PALM2AKAP2: variants seen among roughly 807,000 people sequenced by gnomAD.
PALM2AKAP2 encodes PALM2 and AKAP2 fusion, also known as PALM2-AKAP2 fusion protein.
In PALM2AKAP2, 37 loss-of-function variants were observed where a neutral mutation model predicts 71.5. That is an observed-to-expected ratio of 0.52 (90% CI 0.40 to 0.68). The LOEUF (loss-of-function observed/expected upper bound fraction) is 0.68. PALM2AKAP2 is among the 30% of genes least tolerant of loss of function. PALM2AKAP2 has a pLI of 0.00. For missense variants in PALM2AKAP2, 1,224 were observed against 1,191.8 expected (o/e 1.03, Z -0.40); for synonymous variants, 468 against 478.8 (o/e 0.98, Z 0.29).
rs528557472 is a variant in PALM2AKAP2 at position 110,142,331 on chromosome 9, G to A, written c.2569+3792G>A. Reference sequence around the variant, plus strand: ...CTCCAACTCCTGATCCGCCTCAGGTGATCCGCCCGCCTTGGCCTCCCAAAG... The same window carrying A: ...CTCCAACTCCTGATCCGCCTCAGGTAATCCGCCCGCCTTGGCCTCCCAAAG... On this transcript the variant is annotated intron_variant, in intron 2 of 3. Coordinates refer to ENST00000374525, the Ensembl canonical transcript of PALM2AKAP2. 1.4e-3 allele frequency among the ~76,000 whole-genome samples: 211 copies of A among 152,190 alleles called. 1 individual carries two copies. The highest frequency in any genetic ancestry group is 5.1e-3 in the African/African-American group (210 of 41,536).
At chr9:109,948,166 G>C (rs985460762) in intron 6 of PALM2AKAP2, among the ~76,000 whole-genome samples, 1 of 152,174 alleles carries the variant, frequency 6.6e-6, no homozygotes, top group African/African-American at 2.4e-5. Context: ...GCACAATGCA[G>C]ATATGTATCT....
At chr9:110,051,541 C>G (rs260219) in intron 1 of PALM2AKAP2, among the ~76,000 whole-genome samples, 4 of 152,132 alleles carry the variant, frequency 2.6e-5, no homozygotes, top group Non-Finnish European at 5.9e-5. Flanking sequence ...ACGGTTATTA[C>G]CAGTCTCTGC....
intron 3 of PALM2AKAP2, among the ~76,000 whole-genome samples, chr9:110,166,128 T>A (rs1836728374): frequency 6.6e-6 from 1 of 152,234 alleles, no homozygotes; most frequent in Non-Finnish European, 1.5e-5. Flanking sequence ...CACATGATGA[T>A]AGAAATAATT....
At chr9:110,033,223 C>T (rs1833318817) in intron 7 of PALM2AKAP2, among the ~76,000 whole-genome samples, 1 of 152,192 alleles carries the variant, frequency 6.6e-6, no homozygotes, top group Non-Finnish European at 1.5e-5. Flanking sequence ...ATGAGTGACA[C>T]AGGAAAATCC....
intron 1 of PALM2AKAP2, among the ~76,000 whole-genome samples, chr9:109,854,751 A>G (rs1829109469): frequency 6.7e-6 from 1 of 149,910 alleles, no homozygotes; most frequent in African/African-American, 2.5e-5. Flanking sequence ...GTCAGTTTTT[A>G]AAAGAATGTA....
chr9:109,819,314 C>T (rs1271796440), intron 1 of PALM2AKAP2, among the ~76,000 whole-genome samples: 1 of 152,154 alleles, frequency 6.6e-6, no homozygotes, highest in Non-Finnish European at 1.5e-5. Flanking sequence ...AAGGCTTTTA[C>T]ATTCGTGTAA....
At chr9:110,081,818 A>T (rs1427790683) in intron 1 of PALM2AKAP2, among the ~76,000 whole-genome samples, 1 of 151,896 alleles carries the variant, frequency 6.6e-6, no homozygotes, top group Admixed American at 6.6e-5. Context: ...TTCCTGTGAG[A>T]GCCCTCACGA....
rs374011072 is a variant in PALM2AKAP2 at position 109,700,863 on chromosome 9, A to G, written c.5+59997A>G. Among the ~76,000 whole-genome samples, 16 of 152,340 alleles carry G rather than the reference A, an allele frequency of 1.1e-4. No individual in the cohort carries two copies. The East Asian group carries it at 2.1e-3, about 20-fold the overall frequency. ...TTATGTTTTCAAAGTGTTCATTTTA[A>G]CACCAAATAAAATTAGCCTTTCACT... On this transcript the variant is annotated intron_variant, in intron 1 of 6. Transcript: ENST00000374531.
At chr9:109,673,429 G>GT (rs147461012) in intron 1 of PALM2AKAP2, among the ~76,000 whole-genome samples, 2,229 of 152,042 alleles carry the variant, frequency 0.015, 22 homozygotes, top group Middle Eastern at 0.068. Flanking sequence ...AAATTTCTTG[G>GT]TTTTGATTTC....
intron 6 of PALM2AKAP2, among the ~76,000 whole-genome samples, chr9:109,987,990 C>T (rs1832411441): frequency 6.6e-6 from 1 of 152,226 alleles, no homozygotes; most frequent in African/African-American, 2.4e-5. Flanking sequence ...AAACCAGTCC[C>T]TGGCAAGGGA....
chr9:110,154,999 C>T (rs1369854883), intron 2 of PALM2AKAP2, among the ~76,000 whole-genome samples: 1 of 152,188 alleles, frequency 6.6e-6, no homozygotes, highest in Admixed American at 6.5e-5. Context: ...GATCTATAGT[C>T]AGTCACGTAG....
At chr9:109,685,808 A>T (rs192619056) in intron 1 of PALM2AKAP2, among the ~76,000 whole-genome samples, 239 of 152,268 alleles carry the variant, frequency 1.6e-3, no homozygotes, top group Non-Finnish European at 3.2e-4. Context: ...GCATTGATGG[A>T]CTTTTCCTTT....
At chr9:109,851,397 G>A (rs2418059) in intron 1 of PALM2AKAP2, among the ~76,000 whole-genome samples, 28 of 152,218 alleles carry the variant, frequency 1.8e-4, no homozygotes, top group South Asian at 8.3e-4. Flanking sequence ...TAACTGGCTC[G>A]TGCATGTTAA....
At chr9:109,813,837 T>C (rs1827785876) in intron 1 of PALM2AKAP2, among the ~76,000 whole-genome samples, 1 of 152,182 alleles carries the variant, frequency 6.6e-6, no homozygotes, top group East Asian at 1.9e-4. Context: ...TCGTCTGTCC[T>C]ACGTAGGGTC....
At chr9:110,038,876 G>A (rs1004156740) in intron 7 of PALM2AKAP2, among the ~76,000 whole-genome samples, 45 of 133,782 alleles carry the variant, frequency 3.4e-4, no homozygotes, top group Non-Finnish European at 6.0e-4. Context: ...GGGAGGCAGA[G>A]GTTGCAGTGA....
At chr9:109,769,816 T>C (rs1205980818) in intron 1 of PALM2AKAP2, among the ~76,000 whole-genome samples, 2 of 152,180 alleles carry the variant, frequency 1.3e-5, no homozygotes, top group African/African-American at 4.8e-5. Flanking sequence ...TGTTTCCACC[T>C]AGAATAGAAA....
chr9:109,923,149 A>G (rs1830875872), intron 3 of PALM2AKAP2, among the ~76,000 whole-genome samples: 1 of 152,144 alleles, frequency 6.6e-6, no homozygotes. Context: ...AATACATAGG[A>G]TGGCTGTGAA....
chr9:109,845,582 G>A (rs1828832434), intron 1 of PALM2AKAP2, among the ~76,000 whole-genome samples: 1 of 152,186 alleles, frequency 6.6e-6, no homozygotes, highest in Non-Finnish European at 1.5e-5. Flanking sequence ...CAATCCAGGA[G>A]GCTACAGAAA....
In PALM2AKAP2 at chr9:109,833,704, G is replaced by T. The variant is rs548741360; in HGVS notation, c.46-33787G>T. On this transcript the variant is annotated intron_variant, in intron 1 of 9. Transcript: ENST00000302798. ...ACAGTACAGGGTACTTAGCATGTCT[G>T]CCCTCCCAATGCTGAGTACCAGTGG... Among the ~76,000 whole-genome samples, 19 of 152,314 alleles carry T rather than the reference G, an allele frequency of 1.2e-4. No homozygotes were observed. The South Asian group carries it at 3.5e-3, about 28-fold the overall frequency.
Sources: gnomAD v4.1 joint callset for allele counts (sites outside exome capture counted in the v4.1 genomes callset) on GRCh38, gnomAD v4.1.1 for gene constraint, MANE v1.5 for transcripts, NCBI Gene and HGNC (gene_info 2026-07-23, HGNC 2026-07-21) for gene names.